Variants in ZNF385D observed in about 807,000 individuals in gnomAD.
ZNF385D encodes the protein zinc finger protein 659.
Under a neutral mutation model 35.8 loss-of-function variants are expected in ZNF385D, and 15 were observed. The observed-to-expected ratio is 0.42, with a 90% CI of 0.28 to 0.64. The LOEUF (loss-of-function observed/expected upper bound fraction) is 0.64, where lower values mean the gene tolerates loss of function less well. Ranked by LOEUF, ZNF385D falls within the 30% of genes least tolerant of loss-of-function variation. The probability of loss-of-function intolerance (pLI) is 0.23; values close to 1 mark genes in which losing one functional copy is unlikely to be tolerated. For synonymous variants in ZNF385D, 212 were observed against 186.8 expected, an observed-to-expected ratio of 1.13 and a Z score of -1.10; for missense variants, 474 against 494.6, an observed-to-expected ratio of 0.96 and a Z score of 0.39.
intron 1 of ZNF385D, among the ~76,000 whole-genome samples, chr3:21,734,737 T>A (rs1275450786): frequency 6.6e-6 from 1 of 152,114 alleles, no homozygotes; most frequent in East Asian, 1.9e-4. Flanking sequence ...ACCCCACGTG[T>A]CAGGAAATAA....
At chr3:21,605,052 T>G (rs1187179028) in intron 2 of ZNF385D, among the ~76,000 whole-genome samples, 1 of 152,162 alleles carries the variant, frequency 6.6e-6, no homozygotes, top group Non-Finnish European at 1.5e-5. Flanking sequence ...AAGGGAGAAC[T>G]TAAATGGAAA....
intron 2 of ZNF385D, among the ~76,000 whole-genome samples, chr3:22,368,919 A>T (rs1696780350): frequency 1.3e-5 from 2 of 152,108 alleles, no homozygotes; most frequent in African/African-American, 4.8e-5. Context: ...GTTTTAAATG[A>T]TCTCCCGTGT....
rs139248010 is a variant in ZNF385D, at chr3:22,287,088, T to A, written c.106+85362A>T. Reference sequence around the variant, plus strand: ...GGTACATATGTATTTACGATTGCTATATTTTGTTGGTGAAGTAACCACTTT... The same window carrying A: ...GGTACATATGTATTTACGATTGCTAAATTTTGTTGGTGAAGTAACCACTTT... On this transcript the variant is annotated intron_variant, in intron 2 of 5. Coordinates refer to the ZNF385D transcript ENST00000494108. 2.2e-3 allele frequency among the ~76,000 whole-genome samples: 330 copies of A among 152,216 alleles called. 4 individuals carry two copies. The highest frequency in any genetic ancestry group is 6.9e-3 in the African/African-American group (287 of 41,576).
chr3:21,976,955 G>A (rs376631351), intron 3 of ZNF385D, among the ~76,000 whole-genome samples: 418 of 152,196 alleles, frequency 2.7e-3, no homozygotes, highest in Non-Finnish European at 5.1e-3. Context: ...GCCACTGCAC[G>A]TCAGCCTGGG....
At chr3:21,883,232 G>A (rs1276095040) in intron 3 of ZNF385D, among the ~76,000 whole-genome samples, 1 of 151,822 alleles carries the variant, frequency 6.6e-6, no homozygotes, top group African/African-American at 2.4e-5. Context: ...TATTTGATCT[G>A]TAAGAATTTG....
chr3:21,702,641 C>T (rs1274466009), intron 1 of ZNF385D, among the ~76,000 whole-genome samples: 1 of 152,144 alleles, frequency 6.6e-6, no homozygotes, highest in South Asian at 2.1e-4. Flanking sequence ...AACTTTTATG[C>T]ACTGTTTCCC....
chr3:22,304,435 T>A (rs1326683673), intron 2 of ZNF385D, among the ~76,000 whole-genome samples: 1 of 152,200 alleles, frequency 6.6e-6, no homozygotes. Flanking sequence ...TTCAATGCTG[T>A]GTGAAAATTG....
chr3:21,791,842 C>A (rs1478586040), intron 3 of ZNF385D, among the ~76,000 whole-genome samples: 1 of 152,098 alleles, frequency 6.6e-6, no homozygotes, highest in African/African-American at 2.4e-5. Context: ...TCAAGCAATT[C>A]TCCTGCCTCA....
intron 3 of ZNF385D, among the ~76,000 whole-genome samples, chr3:22,069,442 G>A (rs1193168354): frequency 2.0e-5 from 3 of 152,176 alleles, no homozygotes; most frequent in Non-Finnish European, 4.4e-5. Context: ...TATTAAACAA[G>A]AACCCCGAGG....
intron 2 of ZNF385D, among the ~76,000 whole-genome samples, chr3:22,312,915 G>A (rs1703654356): frequency 7.7e-6 from 1 of 130,714 alleles, no homozygotes; most frequent in Non-Finnish European, 1.6e-5. Flanking sequence ...TATACCCAAA[G>A]GACTATAAAT....
intron 4 of ZNF385D, among the ~76,000 whole-genome samples, chr3:21,509,470 G>T (rs752946369): frequency 6.6e-6 from 1 of 152,026 alleles, no homozygotes; most frequent in Non-Finnish European, 1.5e-5. Context: ...GATTATTAGA[G>T]AAAAGACCAA....
intron 3 of ZNF385D, among the ~76,000 whole-genome samples, chr3:21,838,564 A>G (rs1399245826): frequency 6.6e-6 from 1 of 152,112 alleles, no homozygotes; most frequent in Non-Finnish European, 1.5e-5. Flanking sequence ...CTAAAAAACA[A>G]TAGCGGCTTT....
intron 3 of ZNF385D, among the ~76,000 whole-genome samples, chr3:21,822,957 A>G (rs767120525): frequency 4.6e-5 from 7 of 152,182 alleles, no homozygotes; most frequent in African/African-American, 1.4e-4. Context: ...GAATTACTCA[A>G]AATTCAGAAG....
chr3:22,310,000 C>A (rs1475774085), intron 2 of ZNF385D, among the ~76,000 whole-genome samples: 1 of 151,858 alleles, frequency 6.6e-6, no homozygotes. Flanking sequence ...CCAAACAGTA[C>A]CTCACTTGAG....
At position 22,338,176 on chromosome 3, in the gene ZNF385D, A is replaced by G. The variant is rs79977251; in HGVS notation, c.106+34274T>C. ...ACTATTAATAGTAAAGAGACCTGCA[A>G]TAGATCTCTTTTAAGTAATTATCTC... On this transcript the variant is annotated intron_variant, in intron 2 of 5. Transcript: ENST00000494108. Among the ~76,000 whole-genome samples the G allele has an allele frequency of 9.2e-5, 14 of 152,330 alleles. No homozygotes were observed. The East Asian group carries it at 2.5e-3, about 27-fold the overall frequency.
intron 3 of ZNF385D, among the ~76,000 whole-genome samples, chr3:21,553,530 T>G (rs567950425): frequency 6.6e-6 from 1 of 152,162 alleles, no homozygotes; most frequent in African/African-American, 2.4e-5. Flanking sequence ...TGGCTGATCA[T>G]AGTGTTGGTG....
intron 2 of ZNF385D, among the ~76,000 whole-genome samples, chr3:22,286,571 G>A (rs1321057943): frequency 6.6e-6 from 1 of 151,964 alleles, no homozygotes; most frequent in Non-Finnish European, 1.5e-5. Context: ...TGTTTTTGAC[G>A]CATTGCATAA....
At chr3:22,258,940 G>C (rs191744192) in intron 2 of ZNF385D, among the ~76,000 whole-genome samples, 34 of 151,880 alleles carry the variant, frequency 2.2e-4, no homozygotes, top group Non-Finnish European at 4.4e-4. Context: ...CTGAGGGCAT[G>C]TATTGGACCA....
intron 3 of ZNF385D, among the ~76,000 whole-genome samples, chr3:22,056,568 G>A (rs1258622147): frequency 6.6e-6 from 1 of 152,000 alleles, no homozygotes; most frequent in Admixed American, 6.6e-5. Flanking sequence ...GTTTAAAAAT[G>A]GTTCTGACCA....
Sources: allele counts gnomAD v4.1 joint callset (sites outside exome capture counted in the v4.1 genomes callset), GRCh38; gene constraint gnomAD v4.1.1; transcripts MANE v1.5; gene names NCBI Gene and HGNC (gene_info 2026-07-23, HGNC 2026-07-21).